CFAP95: variants seen among roughly 807,000 people sequenced by gnomAD.
CFAP95 encodes the protein cilia- and flagella-associated protein 95.
chr9:69,840,513 G>A, the CFAP95 span, among the ~76,000 whole-genome samples: 4 of 151,950 alleles, frequency 2.6e-5, no homozygotes, highest in African/African-American at 9.7e-5. Flanking sequence ...TATGATTCTC[G>A]GTTCATCTCA....
At chr9:69,859,576 G>C in the CFAP95 span, among the ~76,000 whole-genome samples, 2 of 152,108 alleles carry the variant, frequency 1.3e-5, no homozygotes, top group African/African-American at 4.8e-5. Flanking sequence ...TAAGAGATGG[G>C]GCTCCGAGCC....
At chr9:69,887,501 A>G in the CFAP95 span, among the ~76,000 whole-genome samples, 1 of 152,266 alleles carries the variant, frequency 6.6e-6, no homozygotes, top group Non-Finnish European at 1.5e-5. Context: ...AGAAGTAATT[A>G]GAATAAATAA....
At chr9:69,841,533 A>G in the CFAP95 span, among the ~76,000 whole-genome samples, 4 of 152,152 alleles carry the variant, frequency 2.6e-5, no homozygotes, top group Admixed American at 2.0e-4. Flanking sequence ...AAGGCCAGAG[A>G]AAAAGCTGAG....
At chr9:69,883,250 A>T in the CFAP95 span, among the ~76,000 whole-genome samples, 1 of 152,234 alleles carries the variant, frequency 6.6e-6, no homozygotes, top group African/African-American at 2.4e-5. Context: ...GCATTCTCTC[A>T]TACAGACTAA....
the CFAP95 span, among the ~76,000 whole-genome samples, chr9:69,905,539 T>C: frequency 6.6e-6 from 1 of 152,192 alleles, no homozygotes; most frequent in Non-Finnish European, 1.5e-5. Flanking sequence ...TATGACTTGG[T>C]AACAATTATT....
At chr9:69,850,568 C>T in the CFAP95 span, among the ~76,000 whole-genome samples, 1 of 152,082 alleles carries the variant, frequency 6.6e-6, no homozygotes, top group East Asian at 1.9e-4. Flanking sequence ...TTAATTGGTT[C>T]AAGTATTTTT....
At chr9:69,846,006 T>C in the CFAP95 span, among the ~76,000 whole-genome samples, 1 of 152,212 alleles carries the variant, frequency 6.6e-6, no homozygotes, top group African/African-American at 2.4e-5. Context: ...CAGCTTCACC[T>C]TGCTTTCTTC....
At chr9:69,841,228 C>T in the CFAP95 span, among the ~76,000 whole-genome samples, 1 of 123,872 alleles carries the variant, frequency 8.1e-6, no homozygotes, top group Non-Finnish European at 1.7e-5. Flanking sequence ...TTTTGTAGGC[C>T]TCTAGAAGTA....
chr9:69,834,600 T>C, the CFAP95 span, among the ~76,000 whole-genome samples: 3 of 152,220 alleles, frequency 2.0e-5, no homozygotes, highest in African/African-American at 7.2e-5. Flanking sequence ...TCCTTTTGAT[T>C]CCTTCCAATA....
At chr9:69,893,727 T>A in the CFAP95 span, among the ~76,000 whole-genome samples, 1 of 152,224 alleles carries the variant, frequency 6.6e-6, no homozygotes, top group South Asian at 2.1e-4. Flanking sequence ...AACTTGTACC[T>A]GGAAAATTAA....
the CFAP95 span, among the ~76,000 whole-genome samples, chr9:69,883,966 A>T: frequency 7.9e-5 from 12 of 152,164 alleles, no homozygotes; most frequent in African/African-American, 2.9e-4. Flanking sequence ...TTTAAGATGC[A>T]TCAATAGGTT....
chr9:69,842,422 C>T, the CFAP95 span, among the ~76,000 whole-genome samples: 1 of 152,102 alleles, frequency 6.6e-6, no homozygotes, highest in East Asian at 1.9e-4. Flanking sequence ...CCGGTTTTTC[C>T]TCTTGGTAAA....
the CFAP95 span, among the ~76,000 whole-genome samples, chr9:69,860,833 C>T: frequency 6.6e-6 from 1 of 152,100 alleles, no homozygotes. Flanking sequence ...TCACTGTCTT[C>T]CACCTCCACA....
chr9:69,878,360 G>C, the CFAP95 span, among the ~76,000 whole-genome samples: 2 of 152,166 alleles, frequency 1.3e-5, no homozygotes, highest in African/African-American at 4.8e-5. Context: ...TCAGGGAAGG[G>C]CGTTCTCCTT....
chr9:69,874,109 A>C, the CFAP95 span, among the ~76,000 whole-genome samples: 1 of 152,190 alleles, frequency 6.6e-6, no homozygotes, highest in Non-Finnish European at 1.5e-5. Flanking sequence ...ACAGTGTGGC[A>C]TATCCTAGTG....
the CFAP95 span, among the ~76,000 whole-genome samples, chr9:69,866,740 G>A: frequency 6.6e-6 from 1 of 152,224 alleles, no homozygotes; most frequent in Non-Finnish European, 1.5e-5. Flanking sequence ...GCCATGACAA[G>A]CACTAAGCTT....
the CFAP95 span, among the ~76,000 whole-genome samples, chr9:69,861,730 CAAAAAAA>C: frequency 3.5e-3 from 302 of 86,854 alleles, 2 homozygotes; most frequent in African/African-American, 0.013. Context: ...TCTTATGAGT[CAAAAAAA>C]AAAAAAAAAA....
At chr9:69,899,702 T>C in the CFAP95 span, among the ~76,000 whole-genome samples, 1 of 152,224 alleles carries the variant, frequency 6.6e-6, no homozygotes, top group Non-Finnish European at 1.5e-5. Context: ...TGAACACCTG[T>C]TTCCTTCTGG....
chr9:69,846,004 C>T, the CFAP95 span, among the ~76,000 whole-genome samples: 1 of 152,202 alleles, frequency 6.6e-6, no homozygotes, highest in African/African-American at 2.4e-5. Flanking sequence ...CACAGCTTCA[C>T]CTTGCTTTCT....
Sources: gnomAD v4.1 joint callset for allele counts (sites outside exome capture counted in the v4.1 genomes callset) on GRCh38, gnomAD v4.1.1 for gene constraint, MANE v1.5 for transcripts, NCBI Gene and HGNC (gene_info 2026-07-23, HGNC 2026-07-21) for gene names.